The following OPCML variants were observed in gnomAD, a reference collection of about 807,000 sequenced individuals.
The protein encoded by OPCML is opioid binding protein/cell adhesion molecule like, also known as opioid-binding protein/cell adhesion molecule.
A neutral mutation model predicts 37.8 loss-of-function variants in OPCML; 13 were observed. The observed-to-expected ratio is 0.34, with a 90% CI of 0.22 to 0.55. The LOEUF (loss-of-function observed/expected upper bound fraction) is 0.55. Among genes scored for constraint, OPCML ranks in the 20% least tolerant of loss-of-function variants. The probability of loss-of-function intolerance (pLI) is 0.91; values close to 1 mark genes in which losing one functional copy is unlikely to be tolerated. For missense variants in OPCML, 341 were observed against 435.6 expected, an observed-to-expected ratio of 0.78 and a Z score of 1.93; for synonymous variants, 176 against 168.8, an observed-to-expected ratio of 1.04 and a Z score of -0.33.
At chr11:132,968,437 G>A (rs1001559925) in intron 1 of OPCML, among the ~76,000 whole-genome samples, 1 of 152,118 alleles carries the variant, frequency 6.6e-6, no homozygotes, top group Non-Finnish European at 1.5e-5. Flanking sequence ...GAGCATGCTC[G>A]CTTGGATCTC....
At chr11:133,385,855 G>C (rs1945035664) in intron 1 of OPCML, among the ~76,000 whole-genome samples, 1 of 152,174 alleles carries the variant, frequency 6.6e-6, no homozygotes, top group Admixed American at 6.5e-5. Flanking sequence ...GAAGAAGCTG[G>C]AGTAACAGCA....
chr11:132,570,815 A>AGAGAGAGAGAGAGAGAGAGAGG (rs2096436578), intron 3 of OPCML, among the ~76,000 whole-genome samples: 1 of 130,504 alleles, frequency 7.7e-6, no homozygotes, highest in African/African-American at 2.8e-5. Context: ...AGAGAGAGAG[A>AGAGAGAGAGAGAGAGAGAGAGG]GAGAGGATAT....
chr11:132,683,325 T>A (rs1943032043), intron 2 of OPCML, among the ~76,000 whole-genome samples: 1 of 152,064 alleles, frequency 6.6e-6, no homozygotes. Flanking sequence ...GTTTGAGCCA[T>A]GGTTGCGCCA....
chr11:133,076,551 C>T (rs889451922), intron 1 of OPCML, among the ~76,000 whole-genome samples: 2 of 152,120 alleles, frequency 1.3e-5, no homozygotes, highest in African/African-American at 2.4e-5. Flanking sequence ...GTCATGCAAA[C>T]GCAAGCGGCG....
intron 2 of OPCML, among the ~76,000 whole-genome samples, chr11:132,799,780 GC>G (rs1938539267): frequency 6.6e-6 from 1 of 152,016 alleles, no homozygotes; most frequent in Non-Finnish European, 1.5e-5. Flanking sequence ...AATGAAGGAT[GC>G]CTGTTTATGT....
At position 132,617,886 on chromosome 11, in the gene OPCML, G is replaced by T. The variant is rs77338343; in HGVS notation, c.379+39201C>A. Reference sequence around the variant, plus strand: ...CTCTCATTACCTCTTCAAAGACCCTGTCTCCCAAAATAATCAAAGTGGGGA... The same window carrying T: ...CTCTCATTACCTCTTCAAAGACCCTTTCTCCCAAAATAATCAAAGTGGGGA... On this transcript the variant is annotated intron_variant, in intron 3 of 7. Transcript: ENST00000524381. 2.1e-4 allele frequency among the ~76,000 whole-genome samples: 32 copies of T among 152,318 alleles called. No homozygotes were observed. The East Asian group carries it at 6.2e-3, about 30-fold the overall frequency.
At chr11:133,517,578 CCAGG>C (rs1455565159) in intron 1 of OPCML, among the ~76,000 whole-genome samples, 2 of 152,192 alleles carry the variant, frequency 1.3e-5, no homozygotes, top group Non-Finnish European at 2.9e-5. Flanking sequence ...AGACAGAAAC[CCAGG>C]CATCAGGACA....
At chr11:133,271,859 G>A (rs1255778598) in intron 1 of OPCML, among the ~76,000 whole-genome samples, 2 of 152,204 alleles carry the variant, frequency 1.3e-5, no homozygotes. Flanking sequence ...TGAGCACTTA[G>A]TATGCACTCG....
intron 1 of OPCML, among the ~76,000 whole-genome samples, chr11:133,135,139 G>T (rs1167829834): frequency 6.6e-6 from 1 of 152,178 alleles, no homozygotes; most frequent in African/African-American, 2.4e-5. Context: ...TGGCACTCCA[G>T]TTTGGTTAAT....
intron 4 of OPCML, among the ~76,000 whole-genome samples, chr11:132,478,044 A>G (rs919829362): frequency 2.0e-5 from 3 of 152,222 alleles, no homozygotes; most frequent in Non-Finnish European, 4.4e-5. Context: ...AAAGTTGAAG[A>G]CAATTAGCAA....
chr11:132,906,210 A>AAT (rs1357850487), intron 2 of OPCML, among the ~76,000 whole-genome samples: 3 of 152,226 alleles, frequency 2.0e-5, no homozygotes, highest in Non-Finnish European at 4.4e-5. Context: ...AATGCAAAGG[A>AAT]ATATTCTGTC....
intron 1 of OPCML, among the ~76,000 whole-genome samples, chr11:133,350,324 G>A (rs575519946): frequency 1.1e-3 from 161 of 152,218 alleles, no homozygotes; most frequent in South Asian, 2.7e-3. Flanking sequence ...ACACACAGTG[G>A]GGAAAAAATG....
rs190046339 is a variant in OPCML, at chr11:133,349,265, A to G, written c.61+182999T>C. 2.5e-3 allele frequency among the ~76,000 whole-genome samples: 379 copies of G among 152,344 alleles called. 1 individual carries two copies. Among genetic ancestry groups the G allele is most frequent in the African/African-American group, 8.5e-3 (355 of 41,574 alleles). On this transcript the variant is annotated intron_variant, in intron 1 of 7. Transcript: ENST00000524381. ...GAAATGAAGACCATTCTCTCTGTAC[A>G]TTGTGCTATAAATATAATGATCTAT... is the stretch of plus-strand genomic sequence containing the variant.
intron 2 of OPCML, among the ~76,000 whole-genome samples, chr11:132,754,837 TTGGCTAGTTTC>T (rs1266077579): frequency 1.1e-4 from 17 of 152,156 alleles, no homozygotes; most frequent in African/African-American, 4.1e-4. Flanking sequence ...TGGAAATGAC[TTGGCTAGTTTC>T]TGGAAATCAA....
chr11:133,189,502 CT>C (rs1340449904), intron 1 of OPCML, among the ~76,000 whole-genome samples: 1 of 152,098 alleles, frequency 6.6e-6, no homozygotes, highest in African/African-American at 2.4e-5. Flanking sequence ...TAAATCTTAC[CT>C]GATAAATAAA....
At chr11:133,393,346 T>G (rs1159994266) in intron 1 of OPCML, among the ~76,000 whole-genome samples, 2 of 152,132 alleles carry the variant, frequency 1.3e-5, no homozygotes, top group Non-Finnish European at 1.5e-5. Flanking sequence ...AACCTAACTG[T>G]GTATTTGCCT....
chr11:133,120,233 CACAT>C (rs1179608645), intron 1 of OPCML, among the ~76,000 whole-genome samples: 2 of 152,152 alleles, frequency 1.3e-5, no homozygotes, highest in African/African-American at 4.8e-5. Flanking sequence ...CATACAAACA[CACAT>C]ACACACACGC....
intron 3 of OPCML, among the ~76,000 whole-genome samples, chr11:132,543,955 T>G (rs925523448): frequency 3.3e-5 from 5 of 152,180 alleles, no homozygotes; most frequent in African/African-American, 1.2e-4. Flanking sequence ...TATCCACATT[T>G]TCTTACTCTT....
At chr11:133,348,955 G>A (rs1944065269) in intron 1 of OPCML, among the ~76,000 whole-genome samples, 1 of 152,202 alleles carries the variant, frequency 6.6e-6, no homozygotes, top group Non-Finnish European at 1.5e-5. Flanking sequence ...AGGATTCAGC[G>A]TGCAGGCCTG....
Sources: allele counts gnomAD v4.1 joint callset (sites outside exome capture counted in the v4.1 genomes callset), GRCh38; gene constraint gnomAD v4.1.1; transcripts MANE v1.5; gene names NCBI Gene and HGNC (gene_info 2026-07-23, HGNC 2026-07-21).